SHROOM3: variants seen among roughly 807,000 people sequenced by gnomAD.
SHROOM3 encodes the protein protein Shroom3.
SHROOM3 carries 47 observed loss-of-function variants against 138.6 expected under a neutral mutation model. That is an observed-to-expected ratio of 0.34 (90% CI 0.27 to 0.43). SHROOM3 has a LOEUF of 0.43. Among genes scored for constraint, SHROOM3 ranks in the 20% least tolerant of loss-of-function variants. The pLI is 1.00. For missense variants in SHROOM3, 2,491 were observed against 2,596.5 expected (o/e 0.96, Z 0.88); for synonymous variants, 1,062 against 1,063.3 (o/e 1.00, Z 0.02).
chr4:76,737,959 G>A (rs2110132693), intron 4 of SHROOM3, among the ~76,000 whole-genome samples: 1 of 152,060 alleles, frequency 6.6e-6, no homozygotes, highest in African/African-American at 2.4e-5. Flanking sequence ...TCTCCAGACG[G>A]GCTCTGAAAA....
intron 2 of SHROOM3, chr4:76,688,296 G>A (rs1719397750): frequency 1.5e-6 from 1 of 679,402 alleles, no homozygotes; most frequent in African/African-American, 2.0e-5. Context: ...TTTCAGTAAA[G>A]AGGTTTATTC....
chr4:76,577,662 C>T (rs768173772), intron 2 of SHROOM3, among the ~76,000 whole-genome samples: 5 of 152,170 alleles, frequency 3.3e-5, no homozygotes, highest in East Asian at 1.9e-4. Flanking sequence ...ACTTATTATG[C>T]GTAACACAGG....
chr4:76,589,469 T>TAAA (rs60606785), intron 2 of SHROOM3, among the ~76,000 whole-genome samples: 36,618 of 135,216 alleles, frequency 0.27, 4,694 homozygotes, highest in East Asian at 0.37. Flanking sequence ...CTCTGTCTCA[T>TAAA]AAAAAAAAAA....
intron 2 of SHROOM3, among the ~76,000 whole-genome samples, chr4:76,620,090 AAAAG>A (rs1734968746): frequency 6.6e-6 from 1 of 151,098 alleles, no homozygotes; most frequent in African/African-American, 2.4e-5. Flanking sequence ...AAAAAAAAAA[AAAAG>A]AAGAAAAGAA....
At chr4:76,716,378 G>T in intron 3 of SHROOM3, 1 of 518,994 alleles carries the variant, frequency 1.9e-6, no homozygotes, top group Admixed American at 1.9e-5. Context: ...TGGCCAGAGG[G>T]TTGCTATCTG....
At chr4:76,470,560 G>A (rs536182201) in intron 1 of SHROOM3, among the ~76,000 whole-genome samples, 7 of 152,204 alleles carry the variant, frequency 4.6e-5, no homozygotes, top group Admixed American at 4.6e-4. Flanking sequence ...GTTTTTCACA[G>A]AGCTGAAAGC....
At chr4:76,670,516 C>T (rs909628453) in intron 2 of SHROOM3, among the ~76,000 whole-genome samples, 3 of 152,110 alleles carry the variant, frequency 2.0e-5, no homozygotes, top group Non-Finnish European at 2.9e-5. Flanking sequence ...GGTTGCAAAA[C>T]TCTATCCATT....
intron 1 of SHROOM3, among the ~76,000 whole-genome samples, chr4:76,460,990 T>C (rs932229646): frequency 6.6e-6 from 1 of 150,674 alleles, no homozygotes; most frequent in Non-Finnish European, 1.5e-5. Context: ...AGTGAGACCC[T>C]GTTTCGAAAA....
chr4:76,538,162 G>A (rs906922871), intron 1 of SHROOM3, among the ~76,000 whole-genome samples: 7 of 152,186 alleles, frequency 4.6e-5, no homozygotes, highest in Admixed American at 3.3e-4. Flanking sequence ...GCCTCCCAAA[G>A]TGCTGGGATT....
In SHROOM3 at chr4:76,436,344, T is replaced by TAAA. The variant is rs200553239; in HGVS notation, c.168+124_168+125insAAA. On this transcript the variant is annotated intron_variant, in intron 1 of 10. Coordinates refer to ENST00000296043, the MANE Select transcript of SHROOM3 (RefSeq NM_020859.4). ...CTTAATTTGCTGTTTCATGCCTTTC[T>TAAA]GATTATCTAGAAATATTTTGGATAG... 163,213 of 1,078,350 alleles carry TAAA rather than the reference T, an allele frequency of 0.15. 13,169 individuals carry two copies. Among genetic ancestry groups the TAAA allele is most frequent in the South Asian group, 0.22 (15,456 of 69,818 alleles). The allele number at this position is 1,078,350 out of a possible 1,614,324, so 66.8% of individuals were successfully genotyped here. A position where few individuals can be genotyped will look rare whatever the true frequency, so the allele number is the denominator to read the frequency against.
chr4:76,631,971 G>C (rs924054038), intron 2 of SHROOM3, among the ~76,000 whole-genome samples: 3 of 152,130 alleles, frequency 2.0e-5, no homozygotes, highest in Non-Finnish European at 4.4e-5. Context: ...GCAGATGATT[G>C]AATAAAAGGA....
chr4:76,576,577 T>TGG (rs1327287116), intron 2 of SHROOM3, among the ~76,000 whole-genome samples: 7 of 152,312 alleles, frequency 4.6e-5, no homozygotes, highest in African/African-American at 1.2e-4. Flanking sequence ...ATACCTACTC[T>TGG]TTGATAGCAC....
At chr4:76,579,503 C>T (rs866124411) in intron 2 of SHROOM3, among the ~76,000 whole-genome samples, 1 of 152,190 alleles carries the variant, frequency 6.6e-6, no homozygotes, top group Non-Finnish European at 1.5e-5. Context: ...AACAAACTTA[C>T]ACAAGTACTT....
At chr4:76,625,858 C>A (rs1209491226) in intron 2 of SHROOM3, among the ~76,000 whole-genome samples, 2 of 152,214 alleles carry the variant, frequency 1.3e-5, no homozygotes, top group Non-Finnish European at 2.9e-5. Flanking sequence ...AACTTGTGAG[C>A]AAGGACTGTT....
At chr4:76,439,619 A>G (rs1375552070) in intron 1 of SHROOM3, among the ~76,000 whole-genome samples, 1 of 152,182 alleles carries the variant, frequency 6.6e-6, no homozygotes, top group Non-Finnish European at 1.5e-5. Context: ...ACTGCTAACC[A>G]GATGTCTACT....
intron 7 of SHROOM3, among the ~76,000 whole-genome samples, chr4:76,755,775 TAGGG>T (rs1223757210): frequency 2.6e-5 from 4 of 152,104 alleles, no homozygotes; most frequent in African/African-American, 9.7e-5. Flanking sequence ...TCCATGTCCA[TAGGG>T]AGGAATAAAG....
chr4:76,693,313 T>TA (rs1321728751), intron 2 of SHROOM3, among the ~76,000 whole-genome samples: 1 of 151,808 alleles, frequency 6.6e-6, no homozygotes, highest in Middle Eastern at 3.2e-3. Flanking sequence ...TCAAGGATCT[T>TA]ATATTAACTG....
intron 2 of SHROOM3, among the ~76,000 whole-genome samples, chr4:76,700,000 C>A (rs1187018012): frequency 6.6e-6 from 1 of 152,140 alleles, no homozygotes; most frequent in Non-Finnish European, 1.5e-5. Context: ...TCGAATGAGA[C>A]AGGATAGATA....
At chr4:76,500,433 C>T (rs1732065991) in intron 1 of SHROOM3, among the ~76,000 whole-genome samples, 1 of 152,168 alleles carries the variant, frequency 6.6e-6, no homozygotes, top group Non-Finnish European at 1.5e-5. Context: ...GAACACTTCA[C>T]CATCTCATGT....
Sources: gnomAD v4.1 joint callset for allele counts (sites outside exome capture counted in the v4.1 genomes callset) on GRCh38, gnomAD v4.1.1 for gene constraint, MANE v1.5 for transcripts, NCBI Gene and HGNC (gene_info 2026-07-23, HGNC 2026-07-21) for gene names.